The following LRRC4C variants were observed in gnomAD, a reference collection of about 807,000 sequenced individuals.
LRRC4C encodes leucine-rich repeat-containing protein 4C.
Under a neutral mutation model 33.6 loss-of-function variants are expected in LRRC4C, and 5 were observed. The ratio of observed to expected loss-of-function variants is 0.15; its 90% confidence interval spans 0.08 to 0.31. LRRC4C has a LOEUF of 0.31. Among genes scored for constraint, LRRC4C ranks in the 10% least tolerant of loss-of-function variants. The probability of loss-of-function intolerance (pLI) is 1.00; values close to 1 mark genes in which losing one functional copy is unlikely to be tolerated. For synonymous variants in LRRC4C, 329 were observed against 302.0 expected, an observed-to-expected ratio of 1.09 and a Z score of -0.93; for missense variants, 560 against 796.7, an observed-to-expected ratio of 0.70 and a Z score of 3.58.
At chr11:40,921,519 G>A (rs553079995) in intron 2 of LRRC4C, among the ~76,000 whole-genome samples, 2 of 152,190 alleles carry the variant, frequency 1.3e-5, no homozygotes, top group South Asian at 4.1e-4. Flanking sequence ...AGAAGAGAAT[G>A]CAGTCCTCTT....
At chr11:41,197,726 C>A (rs1175131762) in intron 1 of LRRC4C, among the ~76,000 whole-genome samples, 1 of 151,892 alleles carries the variant, frequency 6.6e-6, no homozygotes, top group Non-Finnish European at 1.5e-5. Context: ...CAAGTTACTT[C>A]TCTCAAGATT....
intron 1 of LRRC4C, among the ~76,000 whole-genome samples, chr11:41,009,295 T>A (rs74234795): frequency 6.6e-6 from 1 of 151,938 alleles, no homozygotes; most frequent in Non-Finnish European, 1.5e-5. Context: ...GTGTGTAAAT[T>A]TTTCGAGTAT....
intron 1 of LRRC4C, among the ~76,000 whole-genome samples, chr11:41,121,884 G>A (rs1019368477): frequency 2.6e-5 from 4 of 151,844 alleles, no homozygotes; most frequent in East Asian, 1.9e-4. Context: ...AATTCCAGGA[G>A]AGTCTGCCTG....
chr11:41,381,191 C>T (rs1442488100), intron 1 of LRRC4C, among the ~76,000 whole-genome samples: 1 of 151,994 alleles, frequency 6.6e-6, no homozygotes, highest in Admixed American at 6.6e-5. Flanking sequence ...GAAATAACAC[C>T]TCACTGTTAA....
At chr11:41,350,686 A>C (rs1951952119) in intron 1 of LRRC4C, among the ~76,000 whole-genome samples, 1 of 152,152 alleles carries the variant, frequency 6.6e-6, no homozygotes, top group Admixed American at 6.5e-5. Context: ...ATGGCAATGA[A>C]GATCATCAAG....
intron 1 of LRRC4C, among the ~76,000 whole-genome samples, chr11:41,227,893 C>A (rs927394626): frequency 6.6e-6 from 1 of 151,936 alleles, no homozygotes; most frequent in African/African-American, 2.4e-5. Context: ...ATTTTACATT[C>A]ATTTTCTTTT....
At chr11:40,794,979 T>A (rs1467058536) in intron 2 of LRRC4C, among the ~76,000 whole-genome samples, 1 of 152,192 alleles carries the variant, frequency 6.6e-6, no homozygotes, top group Non-Finnish European at 1.5e-5. Flanking sequence ...ACTCAATTCT[T>A]AGTTAGACAT....
intron 3 of LRRC4C, among the ~76,000 whole-genome samples, chr11:40,591,270 A>G (rs911168550): frequency 3.3e-5 from 5 of 152,006 alleles, no homozygotes; most frequent in Non-Finnish European, 7.4e-5. Flanking sequence ...CCTTTCTTTG[A>G]CTAGGAAAGG....
intron 1 of LRRC4C, among the ~76,000 whole-genome samples, chr11:41,361,730 C>T (rs1952361562): frequency 2.0e-5 from 3 of 152,140 alleles, no homozygotes; most frequent in Admixed American, 2.0e-4. Flanking sequence ...AAGTTACTGA[C>T]TAAACACATT....
At chr11:40,924,125 T>TAG (rs1957315272) in intron 2 of LRRC4C, among the ~76,000 whole-genome samples, 1 of 149,940 alleles carries the variant, frequency 6.7e-6, no homozygotes, top group Non-Finnish European at 1.5e-5. Flanking sequence ...TGTGTGTGTA[T>TAG]ATATATATAT....
At chr11:40,477,547 A>C (rs2138366013) in intron 3 of LRRC4C, among the ~76,000 whole-genome samples, 1 of 150,498 alleles carries the variant, frequency 6.6e-6, no homozygotes, top group South Asian at 2.1e-4. Flanking sequence ...TTCCCTTCTA[A>C]AAAAAAAAGT....
intron 5 of LRRC4C, among the ~76,000 whole-genome samples, chr11:40,223,835 A>G (rs1235832966): frequency 1.3e-5 from 2 of 152,196 alleles, no homozygotes; most frequent in African/African-American, 4.8e-5. Flanking sequence ...TTGCAGAACT[A>G]ATTATTTTTA....
chr11:40,874,702 G>C (rs1481902869), intron 2 of LRRC4C, among the ~76,000 whole-genome samples: 1 of 152,164 alleles, frequency 6.6e-6, no homozygotes, highest in Non-Finnish European at 1.5e-5. Context: ...GAGAAGCTTT[G>C]AAAAGTACAA....
At chr11:40,674,551 T>C (rs1944297653) in intron 2 of LRRC4C, among the ~76,000 whole-genome samples, 1 of 152,160 alleles carries the variant, frequency 6.6e-6, no homozygotes, top group Admixed American at 6.6e-5. Context: ...TCAGTTTGTA[T>C]CAGATGAGAC....
Position 41,119,949 on chromosome 11 carries a change from G to A in LRRC4C, c.-495-186226C>T, listed in dbSNP as rs1464540018. Among the ~76,000 whole-genome samples, 4 of 152,156 alleles carry A rather than the reference G, an allele frequency of 2.6e-5. No individual in the cohort carries two copies. In the East Asian group the frequency reaches 7.7e-4, roughly 29 times the overall value. ...ACAGAAACTTTTACCTTCAAAAAGA[G>A]AGTAGTAGCATTCTTTCTGGGAGTT... On this transcript the variant is annotated intron_variant, in intron 1 of 6. Transcript: ENST00000528697.
At chr11:41,144,035 C>T (rs1391601026) in intron 1 of LRRC4C, among the ~76,000 whole-genome samples, 1 of 152,160 alleles carries the variant, frequency 6.6e-6, no homozygotes, top group Non-Finnish European at 1.5e-5. Context: ...ATTTCACTTG[C>T]AATAATCACT....
At chr11:41,076,094 T>C (rs1166297557) in intron 1 of LRRC4C, among the ~76,000 whole-genome samples, 1 of 152,192 alleles carries the variant, frequency 6.6e-6, no homozygotes, top group East Asian at 1.9e-4. Context: ...GATGATCTCG[T>C]CCAATCTCAA....
At position 40,990,231 on chromosome 11, in the gene LRRC4C, TTATATATATATATATA is replaced by T. The variant is rs761772952; in HGVS notation, c.-495-56524_-495-56509del. On this transcript the variant is annotated intron_variant, in intron 1 of 6. Transcript: ENST00000528697. Reference sequence around the variant, plus strand: ...AAATATTTGAATAGTATGTCAAGTTTTATATATATATATATATATATATATATATATATATATATAT... The same window carrying T: ...AAATATTTGAATAGTATGTCAAGTTTTATATATATATATATATATATATAT... Among the ~76,000 whole-genome samples the T allele has an allele frequency of 6.1e-3, 479 of 78,246 alleles. 9 individuals are homozygous for T. Among genetic ancestry groups the T allele is most frequent in the African/African-American group, 0.018 (408 of 22,790 alleles). The allele number at this position is 78,246 out of a possible 152,430, so 51.3% of individuals were successfully genotyped here. A position where few individuals can be genotyped will look rare whatever the true frequency, so the allele number is the denominator to read the frequency against.
intron 3 of LRRC4C, among the ~76,000 whole-genome samples, chr11:40,583,571 T>A (rs1347349044): frequency 6.6e-6 from 1 of 152,118 alleles, no homozygotes; most frequent in African/African-American, 2.4e-5. Context: ...ATTTTTCTAG[T>A]CTAAAATTCA....
Sources: allele counts gnomAD v4.1 joint callset (sites outside exome capture counted in the v4.1 genomes callset), GRCh38; gene constraint gnomAD v4.1.1; transcripts MANE v1.5; gene names NCBI Gene and HGNC (gene_info 2026-07-23, HGNC 2026-07-21).